The following SV2C variants were observed in gnomAD, a reference collection of about 807,000 sequenced individuals.
SV2C encodes solute carrier family 22 member B3.
SV2C carries 49 observed loss-of-function variants against 79.7 expected under a neutral mutation model. That is an observed-to-expected ratio of 0.61 (90% CI 0.49 to 0.78). SV2C has a LOEUF of 0.78. Ranked by LOEUF, SV2C falls within the 30% of genes least tolerant of loss-of-function variation. SV2C has a pLI of 0.00. For missense variants in SV2C, 833 were observed against 912.9 expected (o/e 0.91, Z 1.13); for synonymous variants, 334 against 333.2 (o/e 1.00, Z -0.03).
chr5:76,346,433 G>A (rs1376897774), intron 12 of SV2C, among the ~76,000 whole-genome samples: 1 of 152,180 alleles, frequency 6.6e-6, no homozygotes, highest in Non-Finnish European at 1.5e-5. Flanking sequence ...TATAGTCCCA[G>A]GTTCTCTGGC....
chr5:76,311,271 G>A (rs895627599), intron 12 of SV2C: 1 of 152,364 alleles, frequency 6.6e-6, no homozygotes, highest in Non-Finnish European at 1.5e-5. Flanking sequence ...CAGCTTCCCA[G>A]TGCTGTGGTA....
the SV2C span, among the ~76,000 whole-genome samples, chr5:75,959,189 C>T: frequency 5.3e-5 from 8 of 152,044 alleles, no homozygotes; most frequent in Non-Finnish European, 8.8e-5. Flanking sequence ...AGTTGAACAA[C>T]TTGTACCCTG....
chr5:75,923,155 C>T, the SV2C span, among the ~76,000 whole-genome samples: 18 of 152,100 alleles, frequency 1.2e-4, 1 homozygote, highest in Admixed American at 1.1e-3. Context: ...CATACAATAA[C>T]ATAAAGTGGA....
chr5:76,207,070 A>AG lies in SV2C; in HGVS notation c.762-2665dup, dbSNP rs1485661516. On this transcript the variant is annotated intron_variant, in intron 3 of 12. Coordinates refer to ENST00000502798, the MANE Select transcript of SV2C (RefSeq NM_014979.4). ...ATAAAAACCAGCCAGATTGCCTAGA[A>AG]GCCCCTACAAGTTGGTGTTTTCTTA... Among the ~76,000 whole-genome samples, 6 of 152,154 alleles carry AG rather than the reference A, an allele frequency of 3.9e-5. No individual in the cohort carries two copies. In the South Asian group the frequency reaches 1.2e-3, roughly 32 times the overall value.
At chr5:75,968,329 T>A in the SV2C span, among the ~76,000 whole-genome samples, 1 of 152,150 alleles carries the variant, frequency 6.6e-6, no homozygotes, top group Non-Finnish European at 1.5e-5. Context: ...GGACGGAGAA[T>A]GACTTTGATG....
intron 2 of SV2C, among the ~76,000 whole-genome samples, chr5:76,176,116 C>G (rs1484336247): frequency 1.3e-5 from 2 of 152,286 alleles, no homozygotes; most frequent in African/African-American, 4.8e-5. Flanking sequence ...TCCCTCACCC[C>G]CCACCCCAAC....
At chr5:75,869,041 A>G in the SV2C span, among the ~76,000 whole-genome samples, 1 of 152,204 alleles carries the variant, frequency 6.6e-6, no homozygotes, top group Non-Finnish European at 1.5e-5. Context: ...AAGCAGATGA[A>G]AAAGTAAATA....
At chr5:76,149,781 G>A (rs1050170476) in intron 2 of SV2C, among the ~76,000 whole-genome samples, 8 of 152,258 alleles carry the variant, frequency 5.3e-5, no homozygotes, top group African/African-American at 1.9e-4. Flanking sequence ...ATACACAGTG[G>A]GGGGACATCT....
At chr5:75,969,481 C>A in the SV2C span, among the ~76,000 whole-genome samples, 1 of 152,240 alleles carries the variant, frequency 6.6e-6, no homozygotes, top group East Asian at 1.9e-4. Context: ...GGAGGAAGAT[C>A]TACCAAGAAA....
chr5:75,978,303 G>A, the SV2C span, among the ~76,000 whole-genome samples: 1 of 152,210 alleles, frequency 6.6e-6, no homozygotes, highest in East Asian at 1.9e-4. Context: ...CTTCTTCGCT[G>A]GATATTCCTC....
the SV2C span, among the ~76,000 whole-genome samples, chr5:76,008,378 G>A: frequency 6.6e-6 from 1 of 152,106 alleles, no homozygotes; most frequent in Non-Finnish European, 1.5e-5. Flanking sequence ...GGAGATGAAG[G>A]AATATTTTTC....
At chr5:75,951,567 GGCCAAGCC>G in the SV2C span, among the ~76,000 whole-genome samples, 1 of 151,958 alleles carries the variant, frequency 6.6e-6, no homozygotes, top group Non-Finnish European at 1.5e-5. Flanking sequence ...GGGGTTCTCT[GGCCAAGCC>G]AGAAGGTAAT....
chr5:76,158,874 T>C (rs1742816590), intron 2 of SV2C, among the ~76,000 whole-genome samples: 2 of 151,994 alleles, frequency 1.3e-5, no homozygotes, highest in Admixed American at 6.6e-5. Flanking sequence ...ATATTTTTTA[T>C]TATGCATGGA....
chr5:75,879,679 G>A, the SV2C span, among the ~76,000 whole-genome samples: 1 of 152,186 alleles, frequency 6.6e-6, no homozygotes, highest in Non-Finnish European at 1.5e-5. Context: ...GGCTCAGGAT[G>A]CAAGCTGCCA....
At chr5:75,918,743 A>T in the SV2C span, among the ~76,000 whole-genome samples, 1 of 152,238 alleles carries the variant, frequency 6.6e-6, no homozygotes, top group East Asian at 1.9e-4. Flanking sequence ...AGAGTGATAG[A>T]TATCCCAAGT....
chr5:75,903,331 T>A, the SV2C span, among the ~76,000 whole-genome samples: 3 of 151,848 alleles, frequency 2.0e-5, no homozygotes, highest in Non-Finnish European at 4.4e-5. Context: ...GACCCTTGAG[T>A]GTTGTGTGTA....
chr5:75,897,709 G>T, the SV2C span, among the ~76,000 whole-genome samples: 1 of 152,058 alleles, frequency 6.6e-6, no homozygotes, highest in Non-Finnish European at 1.5e-5. Context: ...AGCATGGAAT[G>T]TTCTTCCATT....
the SV2C span, among the ~76,000 whole-genome samples, chr5:75,917,018 T>G: frequency 6.6e-5 from 10 of 152,228 alleles, no homozygotes; most frequent in Non-Finnish European, 1.5e-4. Context: ...CCCAGAGAAC[T>G]GAACCCTAGT....
chr5:76,209,883 C>G lies in SV2C; in HGVS notation c.909C>G (p.His303Gln). ...CCATGGCCTGGGCCATCATCCCGCA[C>G]TACGGTAAGAGGCTGGCCTTGCCCC... ...ASAMAWAIIP[H>Q]YGWSFSMGSA... Residue 303 changes from histidine (H) to glutamine (Q), a missense_variant, in exon 4 of 13, where the codon CAC (histidine) becomes CAG (glutamine). His to Gln is a conservative substitution (Grantham distance 24). Transcript: ENST00000502798. 1 of 1,612,414 alleles carries G rather than the reference C, an allele frequency of 6.2e-7. No individual in the cohort carries two copies. Among genetic ancestry groups the G allele is most frequent in the Non-Finnish European group, 8.5e-7 (1 of 1,179,162 alleles).
Sources: allele counts gnomAD v4.1 joint callset (sites outside exome capture counted in the v4.1 genomes callset), GRCh38; gene constraint gnomAD v4.1.1; transcripts MANE v1.5; gene names NCBI Gene and HGNC (gene_info 2026-07-23, HGNC 2026-07-21).